HELZ: variants seen among roughly 807,000 people sequenced by gnomAD.
The protein encoded by HELZ is helicase with zinc finger, also known as ATP-dependent RNA helicase with zinc finger domain.
Under a neutral mutation model 218.2 loss-of-function variants are expected in HELZ, and 23 were observed. That is an observed-to-expected ratio of 0.11 (90% CI 0.08 to 0.15). The LOEUF is 0.15. Ranked by LOEUF, HELZ falls within the 10% of genes least tolerant of loss-of-function variation. The pLI, the probability that HELZ is intolerant of heterozygous loss-of-function variation, is 1.00. For missense variants in HELZ, 1,813 were observed against 2,353.7 expected (o/e 0.77, Z 4.75); for synonymous variants, 814 against 829.4 (o/e 0.98, Z 0.32).
At chr17:67,145,671 A>T in intron 21 of HELZ, 72 bp downstream of exon 21, 1 of 1,294,356 alleles carries the variant, frequency 7.7e-7, no homozygotes, top group Non-Finnish European at 1.1e-6. Flanking sequence ...CCAAAACTTT[A>T]AATAAATGCT....
intron 3 of HELZ, among the ~76,000 whole-genome samples, chr17:67,228,611 G>A (rs1289522246): frequency 1.3e-5 from 2 of 150,896 alleles, no homozygotes; most frequent in African/African-American, 4.9e-5. Context: ...GCAGTGAGCA[G>A]AGATCACCCC....
chr17:67,089,975 A>T (rs1245025679), intron 31 of HELZ, among the ~76,000 whole-genome samples: 1 of 152,020 alleles, frequency 6.6e-6, no homozygotes, highest in African/African-American at 2.4e-5. Context: ...TTGAGAACAA[A>T]TGTCTTGCCT....
At chr17:67,212,317 A>AAAAAAAAAAAAAAAAAAAC (rs2040477310) in intron 5 of HELZ, among the ~76,000 whole-genome samples, 1 of 140,680 alleles carries the variant, frequency 7.1e-6, no homozygotes, top group Non-Finnish European at 1.5e-5. Context: ...ACCATCTCAA[A>AAAAAAAAAAAAAAAAAAAC]AAAAAAAAAA....
At chr17:67,195,178 A>C (rs2039991964) in intron 8 of HELZ, among the ~76,000 whole-genome samples, 1 of 152,220 alleles carries the variant, frequency 6.6e-6, no homozygotes, top group Admixed American at 6.5e-5. Context: ...ACACGGAGGC[A>C]AGAAAATAAA....
intron 10 of HELZ, 142 bp from the exon 11 acceptor site, chr17:67,189,838 TAATTTTGACAAG>T: frequency 1.6e-6 from 1 of 628,210 alleles, no homozygotes; most frequent in South Asian, 2.1e-5. Flanking sequence ...TCATTTTCAG[TAATTTTGACAAG>T]AACAAAATAT....
At chr17:67,156,565 G>A (rs1274464750) in intron 17 of HELZ, among the ~76,000 whole-genome samples, 1 of 152,032 alleles carries the variant, frequency 6.6e-6, no homozygotes, top group Middle Eastern at 3.4e-3. Flanking sequence ...CAGGCCCAGC[G>A]AGTTACCTGA....
intron 20 of HELZ, among the ~76,000 whole-genome samples, chr17:67,147,964 CT>C (rs2038556913): frequency 6.6e-6 from 1 of 152,252 alleles, no homozygotes; most frequent in Admixed American, 6.5e-5. Context: ...CACTCTTCAT[CT>C]GTATCCTCTG....
chr17:67,244,926 C>T, intron 1 of HELZ: 6 of 986,064 alleles, frequency 6.1e-6, no homozygotes, highest in Non-Finnish European at 6.0e-6. Flanking sequence ...GGGAAGGGGA[C>T]TAAGTAGGGG....
intron 26 of HELZ, among the ~76,000 whole-genome samples, chr17:67,121,668 ACTC>A (rs929801199): frequency 1.3e-5 from 2 of 152,208 alleles, no homozygotes; most frequent in Admixed American, 6.5e-5. Flanking sequence ...CAAGGCTAAA[ACTC>A]CTGAATTGAA....
chr17:67,126,688 A>AAC (rs10623703), intron 24 of HELZ, among the ~76,000 whole-genome samples: 42,110 of 149,840 alleles, frequency 0.28, 7,111 homozygotes, highest in East Asian at 0.64. Flanking sequence ...GTCCTGCTAA[A>AAC]ACACACACAC....
Position 67,137,961 on chromosome 17 carries a change from C to T in HELZ, c.2923G>A (p.Val975Ile). Residue 975 changes from valine to isoleucine, a missense_variant, in exon 22 of 33, where the codon GTT (valine) becomes ATT (isoleucine). By Grantham distance (29) the Val-to-Ile change is conservative. Coordinates refer to ENST00000358691, the MANE Select transcript of HELZ (RefSeq NM_014877.4). ...ACATTTAGCACCCTTTCTACATTAA[C>T]ATCAGATAATCTCTTTTTTCGAAGT... ...AELRKKRLSD[V>I]NVERVLNVQG... 1 of 1,612,600 alleles carries T rather than the reference C, an allele frequency of 6.2e-7. No homozygotes were observed. Among genetic ancestry groups the T allele is most frequent in the Non-Finnish European group, 8.5e-7 (1 of 1,179,110 alleles).
At chr17:67,234,059 A>G (rs185118461) in intron 3 of HELZ, among the ~76,000 whole-genome samples, 2,800 of 148,486 alleles carry the variant, frequency 0.019, 35 homozygotes, top group Non-Finnish European at 0.03. Context: ...AAAAAAAAAA[A>G]AGAGAGAGAG....
At chr17:67,163,691 C>T (rs183655687) in intron 15 of HELZ, among the ~76,000 whole-genome samples, 87 of 151,778 alleles carry the variant, frequency 5.7e-4, no homozygotes, top group Admixed American at 1.6e-3. Context: ...CGTGACCCAC[C>T]GCACCCAACC....
At position 67,074,639 on chromosome 17, in the gene HELZ, T is replaced by C. The variant is rs1272705919; in HGVS notation, c.*3613A>G. 1.3e-5 allele frequency: 2 copies of C among 152,102 alleles called. No individual in the cohort carries two copies. The highest frequency in any genetic ancestry group is 4.8e-5 in the African/African-American group (2 of 41,434). The allele number at this position is 152,102 out of a possible 1,614,324, so 9.4% of individuals were successfully genotyped here. A position where few individuals can be genotyped will look rare whatever the true frequency, so the allele number is the denominator to read the frequency against. On this transcript the variant is annotated 3_prime_UTR_variant, in exon 33 of 33. Transcript: ENST00000358691. Reference sequence around the variant, plus strand: ...GAGCAACACAATACTATATATTAATTATCCCAAAGTTGGGAAATTCATTAG... The same window carrying C: ...GAGCAACACAATACTATATATTAATCATCCCAAAGTTGGGAAATTCATTAG...
rs1444640860 is a variant in HELZ, at chr17:67,178,728, C to T, written c.1361G>A (p.Ser454Asn). 1.2e-6 allele frequency: 2 copies of T among 1,613,692 alleles called. No homozygotes were observed. The highest frequency in any genetic ancestry group is 1.7e-5 in the Admixed American group (1 of 59,984). ...GTCATGTAACCGTGACTGATAGTTG[C>T]TCTTGGTCAATGATTTGTCTAAAAC... ...QSVLDKSLTK[S>N]NYQSRLHDLL... Residue 454 changes from serine (S) to asparagine (N), a missense_variant, in exon 13 of 33, where the codon AGC (serine) becomes AAC (asparagine). Ser to Asn is a conservative substitution (Grantham distance 46). Coordinates refer to ENST00000358691, the MANE Select transcript of HELZ (RefSeq NM_014877.4).
chr17:67,202,113 G>GAT (rs1206314391), intron 6 of HELZ, among the ~76,000 whole-genome samples: 1 of 151,586 alleles, frequency 6.6e-6, no homozygotes, highest in African/African-American at 2.4e-5. Flanking sequence ...AGAAGAATAG[G>GAT]AAAGATACAG....
intron 5 of HELZ, among the ~76,000 whole-genome samples, chr17:67,209,053 G>A (rs2040385057): frequency 1.5e-5 from 2 of 134,550 alleles, no homozygotes; most frequent in South Asian, 2.8e-4. Context: ...GGGAGGGAGG[G>A]AGGGAAGGAA....
chr17:67,189,235 G>A (rs2039833644), intron 11 of HELZ, among the ~76,000 whole-genome samples: 1 of 151,956 alleles, frequency 6.6e-6, no homozygotes, highest in Non-Finnish European at 1.5e-5. Context: ...AAGTTGTTAT[G>A]GTTTAAAAAT....
intron 15 of HELZ, among the ~76,000 whole-genome samples, chr17:67,161,564 G>C (rs936161512): frequency 2.6e-5 from 4 of 152,134 alleles, no homozygotes; most frequent in African/African-American, 9.7e-5. Context: ...AAGAGGAAAA[G>C]AACAAATCTG....
Sources: allele counts gnomAD v4.1 joint callset (sites outside exome capture counted in the v4.1 genomes callset), GRCh38; gene constraint gnomAD v4.1.1; transcripts MANE v1.5; gene names NCBI Gene and HGNC (gene_info 2026-07-23, HGNC 2026-07-21).